Variants in DCLK1 observed in about 807,000 individuals in gnomAD.
DCLK1 encodes the protein doublecortin like kinase 1.
In DCLK1, 16 loss-of-function variants were observed where a neutral mutation model predicts 86.2. The observed-to-expected ratio is 0.19, with a 90% confidence interval of 0.13 to 0.28. The LOEUF (loss-of-function observed/expected upper bound fraction) is 0.28. Ranked by LOEUF, DCLK1 falls within the 10% of genes least tolerant of loss-of-function variation. The pLI, the probability that DCLK1 is intolerant of heterozygous loss-of-function variation, is 1.00. For missense variants in DCLK1, 590 were observed against 940.2 expected, an observed-to-expected ratio of 0.63 and a Z score of 4.87; for synonymous variants, 369 against 370.5, an observed-to-expected ratio of 1.00 and a Z score of 0.05.
intron 3 of DCLK1, among the ~76,000 whole-genome samples, chr13:35,968,719 A>G (rs962307564): frequency 6.6e-6 from 1 of 152,188 alleles, no homozygotes; most frequent in Non-Finnish European, 1.5e-5. Flanking sequence ...TCTGATTTAC[A>G]AGTAATTCTC....
intron 3 of DCLK1, among the ~76,000 whole-genome samples, chr13:36,076,152 C>T (rs896392632): frequency 6.6e-6 from 1 of 152,138 alleles, no homozygotes; most frequent in African/African-American, 2.4e-5. Context: ...ATAGAAATCA[C>T]TGCACAAAAA....
At chr13:35,862,028 G>A (rs1200759433) in intron 5 of DCLK1, among the ~76,000 whole-genome samples, 10 of 67,480 alleles carry the variant, frequency 1.5e-4, no homozygotes, top group African/African-American at 3.2e-4. Flanking sequence ...GCGAGACTCC[G>A]TCTCAAAAAA....
At chr13:35,888,108 TC>T (rs1873406219) in intron 4 of DCLK1, among the ~76,000 whole-genome samples, 1 of 152,172 alleles carries the variant, frequency 6.6e-6, no homozygotes. Context: ...TCTGAAAACT[TC>T]AGATTTCCTT....
chr13:36,106,214 A>G (rs1297509843), intron 3 of DCLK1, among the ~76,000 whole-genome samples: 1 of 151,794 alleles, frequency 6.6e-6, no homozygotes, highest in Middle Eastern at 3.2e-3. Flanking sequence ...GAAAAAAAAA[A>G]GGACTTAAAT....
intron 15 of DCLK1, among the ~76,000 whole-genome samples, chr13:35,805,098 G>C (rs2086998959): frequency 6.6e-6 from 1 of 152,182 alleles, no homozygotes; most frequent in Non-Finnish European, 1.5e-5. Flanking sequence ...ATGCCTTCTT[G>C]ATGATTATTC....
At chr13:36,044,376 A>G (rs1882800266) in intron 3 of DCLK1, among the ~76,000 whole-genome samples, 1 of 152,152 alleles carries the variant, frequency 6.6e-6, no homozygotes, top group Admixed American at 6.6e-5. Context: ...TCCAGTTTTT[A>G]TTTTTTCTTA....
At chr13:35,960,113 T>A (rs554891061) in intron 3 of DCLK1, among the ~76,000 whole-genome samples, 2 of 152,222 alleles carry the variant, frequency 1.3e-5, no homozygotes, top group African/African-American at 4.8e-5. Context: ...AGAGCAAATG[T>A]TACCAGCTCA....
chr13:35,803,238 G>A (rs546094134), intron 15 of DCLK1, among the ~76,000 whole-genome samples: 1 of 152,228 alleles, frequency 6.6e-6, no homozygotes, highest in Middle Eastern at 3.4e-3. Flanking sequence ...TACCCATCCT[G>A]CTTATCTTGT....
At chr13:36,116,817 T>C (rs947303633) in intron 2 of DCLK1, among the ~76,000 whole-genome samples, 2 of 152,226 alleles carry the variant, frequency 1.3e-5, no homozygotes, top group African/African-American at 2.4e-5. Context: ...CAAATATGTA[T>C]TGAAACCTCT....
chr13:35,943,035 G>T (rs1293651193), intron 4 of DCLK1, among the ~76,000 whole-genome samples: 1 of 152,202 alleles, frequency 6.6e-6, no homozygotes, highest in African/African-American at 2.4e-5. Flanking sequence ...ATATGTTCCA[G>T]TCCGAATCCT....
chr13:36,029,365 T>C (rs966183884), intron 3 of DCLK1, among the ~76,000 whole-genome samples: 2 of 152,228 alleles, frequency 1.3e-5, no homozygotes, highest in South Asian at 4.1e-4. Context: ...TCTGTTTTTC[T>C]ATCAGCGTCA....
chr13:36,080,416 T>G (rs1484349940), intron 3 of DCLK1, among the ~76,000 whole-genome samples: 2 of 152,290 alleles, frequency 1.3e-5, no homozygotes, highest in East Asian at 1.9e-4. Context: ...AAGCTTCTGG[T>G]CCATGTCGGG....
At chr13:36,121,334 C>T (rs1486599238) in intron 2 of DCLK1, among the ~76,000 whole-genome samples, 2 of 152,134 alleles carry the variant, frequency 1.3e-5, no homozygotes, top group African/African-American at 2.4e-5. Flanking sequence ...TTTCAGTTAC[C>T]TGCAGTCAAC....
intron 15 of DCLK1, among the ~76,000 whole-genome samples, chr13:35,794,366 T>C (rs1020491108): frequency 1.1e-4 from 17 of 152,340 alleles, no homozygotes; most frequent in African/African-American, 3.8e-4. Flanking sequence ...AACTCACTGC[T>C]AAAAAGAAAC....
chr13:35,939,540 A>T (rs1450131740), intron 4 of DCLK1, among the ~76,000 whole-genome samples: 1 of 152,094 alleles, frequency 6.6e-6, no homozygotes, highest in Non-Finnish European at 1.5e-5. Flanking sequence ...AAGTAGCTGG[A>T]ACTACAGGTG....
chr13:36,002,447 TAAC>T (rs1880762997), intron 3 of DCLK1, among the ~76,000 whole-genome samples: 1 of 152,200 alleles, frequency 6.6e-6, no homozygotes, highest in Non-Finnish European at 1.5e-5. Context: ...CAACGTTAAA[TAAC>T]AACAGATTTT....
At position 36,102,189 on chromosome 13, in the gene DCLK1, C is replaced by CT. The variant is rs60965913; in HGVS notation, c.723+9679dup. 7.4e-3 allele frequency among the ~76,000 whole-genome samples: 1,029 copies of CT among 138,454 alleles called. 5 individuals are homozygous for CT. The highest frequency in any genetic ancestry group is 0.017 in the South Asian group (72 of 4,260). The allele number at this position is 138,454 out of a possible 152,430, so 90.8% of individuals were successfully genotyped here. On this transcript the variant is annotated intron_variant, in intron 3 of 16. Transcript: ENST00000360631. ...TCAGAAGGAAAATGTCTAGTCTAAT[C>CT]TTTTTTTTTTTTTTTTTAAGCTAGT...
At chr13:35,879,826 G>T (rs1440559073) in intron 4 of DCLK1, among the ~76,000 whole-genome samples, 1 of 151,934 alleles carries the variant, frequency 6.6e-6, no homozygotes, top group Non-Finnish European at 1.5e-5. Flanking sequence ...GCACTTTTTT[G>T]TGCCAGTTGC....
At chr13:35,955,490 G>A (rs2153135299) in intron 3 of DCLK1, among the ~76,000 whole-genome samples, 1 of 152,130 alleles carries the variant, frequency 6.6e-6, no homozygotes, top group African/African-American at 2.4e-5. Context: ...TAACCTAATG[G>A]CCTAATCACC....
Sources: gnomAD v4.1 joint callset for allele counts (sites outside exome capture counted in the v4.1 genomes callset) on GRCh38, gnomAD v4.1.1 for gene constraint, MANE v1.5 for transcripts, NCBI Gene and HGNC (gene_info 2026-07-23, HGNC 2026-07-21) for gene names.